Variants in RCAN2 observed in about 807,000 individuals in gnomAD.
The protein encoded by RCAN2 is regulator of calcineurin 2, also known as calcipressin-2.
In RCAN2, 9 loss-of-function variants were observed where a neutral mutation model predicts 23.6. That is an observed-to-expected ratio of 0.38 (90% confidence interval 0.23 to 0.67). The LOEUF (loss-of-function observed/expected upper bound fraction) is 0.67. RCAN2 is among the 30% of genes least tolerant of loss of function. The probability of loss-of-function intolerance (pLI) is 0.51; values close to 1 mark genes in which losing one functional copy is unlikely to be tolerated. For synonymous variants in RCAN2, 109 were observed against 115.7 expected (o/e 0.94, Z 0.37); for missense variants, 273 against 302.3 (o/e 0.90, Z 0.72).
At chr6:46,246,530 C>T (rs952257221) in intron 4 of RCAN2, among the ~76,000 whole-genome samples, 14 of 152,150 alleles carry the variant, frequency 9.2e-5, no homozygotes, top group African/African-American at 3.4e-4. Flanking sequence ...ATGGACTTGA[C>T]ACCATTTTAG....
intron 2 of RCAN2, among the ~76,000 whole-genome samples, chr6:46,342,702 T>C (rs564040930): frequency 4.6e-5 from 7 of 151,616 alleles, no homozygotes; most frequent in African/African-American, 1.7e-4. Flanking sequence ...GGAGCAAAAG[T>C]ACATGTTTGC....
chr6:46,319,844 G>T (rs1343393758), intron 2 of RCAN2, among the ~76,000 whole-genome samples: 2 of 152,106 alleles, frequency 1.3e-5, no homozygotes, highest in African/African-American at 2.4e-5. Context: ...TGTTTTGCTG[G>T]AGGGTTAGAA....
intron 2 of RCAN2, among the ~76,000 whole-genome samples, chr6:46,446,206 A>G (rs969215078): frequency 6.6e-6 from 1 of 151,486 alleles, no homozygotes; most frequent in Non-Finnish European, 1.5e-5. Flanking sequence ...TGAAGTTCCT[A>G]TAAGGCTAGC....
chr6:46,299,075 G>A (rs1466614690), intron 2 of RCAN2, among the ~76,000 whole-genome samples: 6 of 151,996 alleles, frequency 3.9e-5, no homozygotes, highest in African/African-American at 7.2e-5. Context: ...ACATAATGAT[G>A]GGAACAACAG....
At chr6:46,316,009 A>T (rs1763424814) in intron 2 of RCAN2, among the ~76,000 whole-genome samples, 1 of 152,152 alleles carries the variant, frequency 6.6e-6, no homozygotes, top group African/African-American at 2.4e-5. Context: ...AGGGCCTGTA[A>T]TTCCTCACTC....
At chr6:46,393,140 G>C (rs1765982024) in intron 2 of RCAN2, among the ~76,000 whole-genome samples, 1 of 152,092 alleles carries the variant, frequency 6.6e-6, no homozygotes, top group South Asian at 2.1e-4. Flanking sequence ...CAGTCCATAG[G>C]CTAGAATTTC....
At chr6:46,476,578 T>C (rs1367190480) in intron 1 of RCAN2, among the ~76,000 whole-genome samples, 2 of 152,238 alleles carry the variant, frequency 1.3e-5, no homozygotes, top group African/African-American at 2.4e-5. Flanking sequence ...GATATTGTGA[T>C]ATAAAAGGAA....
chr6:46,306,630 G>GT (rs1376707410), intron 2 of RCAN2, among the ~76,000 whole-genome samples: 1 of 152,094 alleles, frequency 6.6e-6, no homozygotes, highest in Admixed American at 6.5e-5. Flanking sequence ...TCACACTCTG[G>GT]TTGACATGGC....
chr6:46,488,053 C>T (rs1769043431), intron 1 of RCAN2, among the ~76,000 whole-genome samples: 1 of 151,636 alleles, frequency 6.6e-6, no homozygotes. Flanking sequence ...GGTGTAGAGC[C>T]CAGTCAAAAG....
intron 1 of RCAN2, among the ~76,000 whole-genome samples, chr6:46,474,179 G>A (rs1341966219): frequency 6.6e-6 from 1 of 152,090 alleles, no homozygotes; most frequent in African/African-American, 2.4e-5. Context: ...TGAATAGGTA[G>A]AGAGGAATGC....
chr6:46,256,783 A>T (rs1766931981), intron 2 of RCAN2, among the ~76,000 whole-genome samples: 2 of 152,252 alleles, frequency 1.3e-5, no homozygotes, highest in South Asian at 2.1e-4. Flanking sequence ...CGAGAAGAGA[A>T]AAAGGGGGAA....
chr6:46,478,973 A>G (rs1768784146), intron 1 of RCAN2, among the ~76,000 whole-genome samples: 1 of 152,256 alleles, frequency 6.6e-6, no homozygotes, highest in East Asian at 1.9e-4. Flanking sequence ...AAAGGACGAC[A>G]AAGAATCTAC....
chr6:46,432,876 A>T (rs1248019747), intron 2 of RCAN2, among the ~76,000 whole-genome samples: 3 of 152,196 alleles, frequency 2.0e-5, no homozygotes, highest in African/African-American at 7.2e-5. Context: ...CCACTTTGTA[A>T]TAGTCAAGAC....
chr6:46,245,734 A>G (rs548057928), intron 4 of RCAN2, among the ~76,000 whole-genome samples: 22 of 152,276 alleles, frequency 1.4e-4, no homozygotes, highest in African/African-American at 5.3e-4. Flanking sequence ...AAATGTACTG[A>G]TACCTGAACT....
chr6:46,321,456 T>C lies in RCAN2; in HGVS notation c.226-72560A>G, dbSNP rs538004275. Among the ~76,000 whole-genome samples, 5 of 152,372 alleles carry C rather than the reference T, an allele frequency of 3.3e-5. No homozygotes were observed. In the East Asian group the frequency reaches 9.6e-4, roughly 29 times the overall value. On this transcript the variant is annotated intron_variant, in intron 2 of 4. Transcript: ENST00000371374. The stretch of plus-strand genomic sequence containing the variant: ...AAGTGCCAAGGGTCTTTGAAGCTTC[T>C]GTATTTCTTATAAGATTTGTCATGT...
At chr6:46,465,403 G>T (rs542734063) in intron 1 of RCAN2, among the ~76,000 whole-genome samples, 2 of 152,296 alleles carry the variant, frequency 1.3e-5, no homozygotes, top group Admixed American at 6.5e-5. Flanking sequence ...TTTGAAAAGA[G>T]TATAACAAAG....
At chr6:46,458,750 T>C (rs2150434015) in intron 1 of RCAN2, among the ~76,000 whole-genome samples, 1 of 152,360 alleles carries the variant, frequency 6.6e-6, no homozygotes, top group African/African-American at 2.4e-5. Context: ...TATTTATTTA[T>C]ACTGTTGCTT....
chr6:46,336,854 C>T (rs1764158905), intron 2 of RCAN2, among the ~76,000 whole-genome samples: 1 of 150,810 alleles, frequency 6.6e-6, no homozygotes. Flanking sequence ...TGGGAAACAC[C>T]ACGGAGATAA....
intron 2 of RCAN2, among the ~76,000 whole-genome samples, chr6:46,365,848 C>T (rs1485375406): frequency 3.9e-5 from 6 of 152,148 alleles, no homozygotes; most frequent in East Asian, 3.9e-4. Flanking sequence ...CTATATATAA[C>T]GCATCTTAAA....
Sources: allele counts gnomAD v4.1 joint callset (sites outside exome capture counted in the v4.1 genomes callset), GRCh38; gene constraint gnomAD v4.1.1; transcripts MANE v1.5; gene names NCBI Gene and HGNC (gene_info 2026-07-23, HGNC 2026-07-21).